The following ADAM23 variants were observed in gnomAD, a reference collection of about 807,000 sequenced individuals.
The protein encoded by ADAM23 is disintegrin and metalloproteinase domain-containing protein 23.
A neutral mutation model predicts 120.1 loss-of-function variants in ADAM23; 33 were observed. The ratio of observed to expected loss-of-function variants is 0.27; its 90% CI spans 0.21 to 0.37. The LOEUF is 0.37. Among genes scored for constraint, ADAM23 ranks in the 10% least tolerant of loss-of-function variants. ADAM23 has a pLI of 1.00. For synonymous variants in ADAM23, 367 were observed against 375.2 expected (o/e 0.98, Z 0.25); for missense variants, 862 against 1,058.2 (o/e 0.81, Z 2.57).
At chr2:206,603,621 A>G (rs1698679445) in intron 24 of ADAM23, among the ~76,000 whole-genome samples, 1 of 152,284 alleles carries the variant, frequency 6.6e-6, no homozygotes, top group African/African-American at 2.4e-5. Context: ...ATTCTTTCTC[A>G]TTGGAGATTA....
At chr2:206,518,738 C>T (rs571008393) in intron 3 of ADAM23, among the ~76,000 whole-genome samples, 1 of 152,206 alleles carries the variant, frequency 6.6e-6, no homozygotes, top group Non-Finnish European at 1.5e-5. Context: ...AATTGGGGTA[C>T]AGTCTTTTTG....
At chr2:206,526,886 TC>T (rs1194595302) in intron 3 of ADAM23, among the ~76,000 whole-genome samples, 6 of 152,224 alleles carry the variant, frequency 3.9e-5, no homozygotes, top group Non-Finnish European at 7.3e-5. Flanking sequence ...ATTCTAGAGT[TC>T]CTAGAGTTTT....
chr2:206,487,614 G>T (rs1696041705), intron 3 of ADAM23, among the ~76,000 whole-genome samples: 1 of 152,232 alleles, frequency 6.6e-6, no homozygotes, highest in Admixed American at 6.5e-5. Context: ...CAGGCCATCT[G>T]ACTGGTCCGA....
At chr2:206,537,130 A>G (rs968035320) in intron 4 of ADAM23, among the ~76,000 whole-genome samples, 2 of 152,190 alleles carry the variant, frequency 1.3e-5, no homozygotes, top group Admixed American at 6.5e-5. Context: ...CCAAACAGAT[A>G]AAGATCCCTG....
chr2:206,594,733 T>G lies in ADAM23; in HGVS notation c.2079-4T>G, dbSNP rs1482750796. The G allele has an allele frequency of 6.2e-7, 1 of 1,614,072 alleles. No homozygotes were observed. Among genetic ancestry groups the G allele is most frequent in the African/African-American group, 1.3e-5 (1 of 75,052 alleles). On this transcript the variant is annotated splice_region_variant and splice_polypyrimidine_tract_variant and intron_variant, in intron 22 of 25. Transcript: ENST00000264377. The stretch of plus-strand genomic sequence containing the variant: ...TAGTTATATGGGTATCTTTCTTGTT[T>G]TAGTGGTGCCCATGTAGTTTTAGAT...
At chr2:206,505,209 A>G (rs1559238154) in intron 3 of ADAM23, among the ~76,000 whole-genome samples, 1 of 152,222 alleles carries the variant, frequency 6.6e-6, no homozygotes, top group Non-Finnish European at 1.5e-5. Flanking sequence ...AAAAGGATAA[A>G]AATTTTAGCT....
intron 2 of ADAM23, among the ~76,000 whole-genome samples, chr2:206,456,606 T>G (rs1695306736): frequency 6.6e-6 from 1 of 152,176 alleles, no homozygotes; most frequent in Non-Finnish European, 1.5e-5. Flanking sequence ...ATGTTGCTCT[T>G]GAGCTTTGAT....
At chr2:206,457,327 G>A (rs1398924567) in intron 2 of ADAM23, among the ~76,000 whole-genome samples, 1 of 152,204 alleles carries the variant, frequency 6.6e-6, no homozygotes, top group African/African-American at 2.4e-5. Flanking sequence ...GCCCAAACAA[G>A]TCAGGTCAGT....
chr2:206,508,513 G>A (rs989590518), intron 3 of ADAM23, among the ~76,000 whole-genome samples: 10 of 151,848 alleles, frequency 6.6e-5, no homozygotes, highest in Admixed American at 2.0e-4. Context: ...AAAATTAGCC[G>A]GGCGTGGTGG....
chr2:206,498,496 T>C (rs1696308391), intron 3 of ADAM23, among the ~76,000 whole-genome samples: 1 of 152,046 alleles, frequency 6.6e-6, no homozygotes, highest in Admixed American at 6.5e-5. Flanking sequence ...ATACAAAAAT[T>C]AATTCAAGAT....
At chr2:206,563,896 A>G (rs1365450037) in intron 13 of ADAM23, among the ~76,000 whole-genome samples, 1 of 151,484 alleles carries the variant, frequency 6.6e-6, no homozygotes, top group Admixed American at 6.6e-5. Context: ...CACCCGGCTA[A>G]TTTTTTTGTA....
intron 18 of ADAM23, among the ~76,000 whole-genome samples, chr2:206,573,438 G>T (rs1278759879): frequency 6.6e-6 from 1 of 151,992 alleles, no homozygotes; most frequent in Non-Finnish European, 1.5e-5. Context: ...AAGTAATTTT[G>T]TGCATTAAAC....
chr2:206,562,425 A>T, intron 13 of ADAM23, 132 bp downstream of exon 13: 1 of 642,774 alleles, frequency 1.6e-6, no homozygotes, highest in East Asian at 2.8e-5. Context: ...CCTCTAAAAT[A>T]TTTAGAAAAT....
intron 3 of ADAM23, among the ~76,000 whole-genome samples, chr2:206,491,500 C>T (rs760311220): frequency 1.2e-4 from 18 of 152,096 alleles, no homozygotes; most frequent in East Asian, 1.9e-4. Context: ...AGACCCTTTG[C>T]GGGTATCCAC....
Position 206,547,500 on chromosome 2 carries a change from C to T in ADAM23, c.792C>T (p.Leu264=). The change falls in exon 7 of 26, where the codon CTC becomes CTT. Residue 264 remains leucine (L), a splice_region_variant and synonymous_variant. Transcript: ENST00000264377. ...AGQYSKQMKN[L]TMERGDQWPF... is the part of the protein sequence containing the mutation. ...AGTATTCTAAGCAAATGAAGAATCT[C>T]AGTAAGTTTTAACTAAAAATAGCGA... 6.2e-7 allele frequency: 1 copy of T among 1,608,172 alleles called. No individual in the cohort carries two copies. Among genetic ancestry groups the T allele is most frequent in the Non-Finnish European group, 8.5e-7 (1 of 1,175,390 alleles).
At chr2:206,512,718 T>A (rs1696649321) in intron 3 of ADAM23, among the ~76,000 whole-genome samples, 1 of 152,186 alleles carries the variant, frequency 6.6e-6, no homozygotes, top group Non-Finnish European at 1.5e-5. Context: ...TGCACAGATA[T>A]ACCTAGTTTT....
chr2:206,537,311 T>C (rs1697197094), intron 4 of ADAM23, among the ~76,000 whole-genome samples: 1 of 152,132 alleles, frequency 6.6e-6, no homozygotes, highest in Admixed American at 6.5e-5. Flanking sequence ...GCATGGATTG[T>C]GATCAGGTGG....
intron 16 of ADAM23, 76 bp downstream of exon 16, chr2:206,570,887 C>G (rs1047213312): frequency 5.5e-6 from 7 of 1,275,866 alleles, no homozygotes; most frequent in Non-Finnish European, 7.9e-6. Context: ...TGTGAGAGGC[C>G]AGCACATTGA....
intron 18 of ADAM23, among the ~76,000 whole-genome samples, chr2:206,582,854 C>A (rs1302967473): frequency 6.6e-6 from 1 of 152,074 alleles, no homozygotes; most frequent in African/African-American, 2.4e-5. Context: ...TGGCTAATAA[C>A]TGTTTGAGGA....
Sources: gnomAD v4.1 joint callset for allele counts (sites outside exome capture counted in the v4.1 genomes callset) on GRCh38, gnomAD v4.1.1 for gene constraint, MANE v1.5 for transcripts, NCBI Gene and HGNC (gene_info 2026-07-23, HGNC 2026-07-21) for gene names.